Variants in NAA11 observed in about 807,000 individuals in gnomAD.
The protein encoded by NAA11 is N-alpha-acetyltransferase 11.
A neutral mutation model predicts 16.1 loss-of-function variants in NAA11; 15 were observed. The ratio of observed to expected loss-of-function variants is 0.93; its 90% CI spans 0.62 to 1.44. The LOEUF is 1.44. NAA11 is among the 40% of genes most tolerant of loss of function. The pLI is 0.00. For synonymous variants in NAA11, 122 were observed against 112.4 expected, an observed-to-expected ratio of 1.09 and a Z score of -0.54; for missense variants, 298 against 291.3, an observed-to-expected ratio of 1.02 and a Z score of -0.17.
downstream of NAA11, among the ~76,000 whole-genome samples, chr4:79,224,571 A>G (rs943928173): frequency 5.3e-5 from 8 of 152,092 alleles, no homozygotes; most frequent in African/African-American, 1.9e-4. Context: ...TCTGAGAAGT[A>G]TTTGCTGAGA....
chr4:79,226,371 G>A (rs541239843), intron 2 of NAA11: 1 of 151,950 alleles, frequency 6.6e-6, no homozygotes, highest in Admixed American at 6.6e-5. Context: ...TGCGTCCAGA[G>A]CTAGCTGTAG....
chr4:79,190,842 A>G, the NAA11 span, among the ~76,000 whole-genome samples: 1 of 151,742 alleles, frequency 6.6e-6, no homozygotes, highest in Non-Finnish European at 1.5e-5. Context: ...CCTCAAGTAG[A>G]CCTCAGTGTC....
At chr4:79,181,631 T>A in the NAA11 span, among the ~76,000 whole-genome samples, 1 of 152,208 alleles carries the variant, frequency 6.6e-6, no homozygotes, top group African/African-American at 2.4e-5. Context: ...TGGTTAACAG[T>A]CTCGTAGTTT....
chr4:79,322,625 C>A (rs1390403547), intron 1 of NAA11, among the ~76,000 whole-genome samples: 1 of 151,964 alleles, frequency 6.6e-6, no homozygotes. Flanking sequence ...AGTCCTTCTA[C>A]GAAGGAATTT....
chr4:79,255,776 T>G (rs1034839740), intron 2 of NAA11, among the ~76,000 whole-genome samples: 19 of 152,222 alleles, frequency 1.2e-4, no homozygotes, highest in Non-Finnish European at 2.5e-4. Flanking sequence ...TACAGCTCCA[T>G]GGCTGCTCCT....
chr4:79,175,789 CTCTCTTA>C, the NAA11 span, among the ~76,000 whole-genome samples: 1 of 147,610 alleles, frequency 6.8e-6, no homozygotes, highest in East Asian at 2.0e-4. Flanking sequence ...TGTTATTCTT[CTCTCTTA>C]TAAGTTTTGT....
chr4:79,316,214 T>C (rs1349077611), downstream of NAA11, among the ~76,000 whole-genome samples: 1 of 152,120 alleles, frequency 6.6e-6, no homozygotes, highest in African/African-American at 2.4e-5. Flanking sequence ...TAGAGACAGA[T>C]GTTAGAAAGC....
chr4:79,299,443 C>T (rs1179355414), intron 1 of NAA11: 1 of 152,152 alleles, frequency 6.6e-6, no homozygotes, highest in African/African-American at 2.4e-5. Context: ...ATCATTTGTC[C>T]AGCAGAAAGA....
rs189866571 is a variant in NAA11, at chr4:79,288,950, A to G, written c.*122+5055T>C. On this transcript the variant is annotated intron_variant and NMD_transcript_variant, in intron 2 of 2. Coordinates refer to the NAA11 transcript ENST00000511542. ...TTATTAAATGATTATTCTTTATGTC[A>G]TTCAATATTTTTCTACAATATTTTT... is the stretch of plus-strand genomic sequence containing the variant. 4.6e-5 allele frequency among the ~76,000 whole-genome samples: 7 copies of G among 152,306 alleles called. No individual in the cohort carries two copies. In the East Asian group the frequency reaches 1.2e-3, roughly 25 times the overall value.
intron 1 of NAA11, among the ~76,000 whole-genome samples, chr4:79,303,358 C>T (rs1390592093): frequency 1.3e-5 from 2 of 151,926 alleles, no homozygotes; most frequent in Non-Finnish European, 2.9e-5. Context: ...CTTGCTCTGT[C>T]GCTCAGGCTG....
intron 2 of NAA11, among the ~76,000 whole-genome samples, chr4:79,249,644 G>A (rs72664031): frequency 6.6e-6 from 1 of 152,170 alleles, no homozygotes; most frequent in Non-Finnish European, 1.5e-5. Context: ...AGGCCTATTG[G>A]TGTCCCTGAA....
chr4:79,242,629 T>C (rs1721723504), intron 2 of NAA11, among the ~76,000 whole-genome samples: 1 of 152,274 alleles, frequency 6.6e-6, no homozygotes, highest in South Asian at 2.1e-4. Context: ...TAAAATTCCC[T>C]GTTCAAATTA....
the NAA11 span, among the ~76,000 whole-genome samples, chr4:79,202,350 AT>A: frequency 1.3e-5 from 2 of 150,468 alleles, no homozygotes; most frequent in South Asian, 2.1e-4. Context: ...TTCTAATACC[AT>A]TTTCCTCATT....
intron 1 of NAA11, among the ~76,000 whole-genome samples, chr4:79,303,084 A>ATG (rs1402497404): frequency 1.8e-4 from 4 of 22,632 alleles, no homozygotes; most frequent in African/African-American, 5.1e-4. Flanking sequence ...TTTTATATAT[A>ATG]TATATATATA....
chr4:79,247,226 G>T (rs1441733726), intron 2 of NAA11, among the ~76,000 whole-genome samples: 4 of 152,192 alleles, frequency 2.6e-5, no homozygotes, highest in Non-Finnish European at 5.9e-5. Context: ...GGGGAGAGTG[G>T]TGTATTTATC....
the NAA11 span, among the ~76,000 whole-genome samples, chr4:79,175,019 T>G: frequency 3.3e-5 from 5 of 152,138 alleles, no homozygotes; most frequent in Admixed American, 6.6e-5. Flanking sequence ...TCCTGGCAGA[T>G]AATCCTCTGA....
rs756009612 is a variant in NAA11, at chr4:79,325,502, G to C, written c.376C>G (p.Leu126Val). The change falls in exon 1 of 2, where the codon CTC (leucine) becomes GTC (valine). Residue 126 changes from leucine to valine, a missense_variant. Physicochemically the swap from Leu to Val is conservative, Grantham distance 32. Coordinates refer to ENST00000286794, the MANE Select transcript of NAA11 (RefSeq NM_032693.3). ...RPALHLYSNT[L>V]NFQISEVEPK... is the part of the protein sequence containing the mutation. ...TCCACCTCACTAATCTGAAAGTTGA[G>C]GGTGTTAGAATAAAGGTGCAAGGCT... 3 of 1,614,106 alleles carry C rather than the reference G, an allele frequency of 1.9e-6. No homozygotes were observed. Among genetic ancestry groups the C allele is most frequent in the East Asian group, 2.2e-5 (1 of 44,882 alleles).
At chr4:79,157,615 A>G in the NAA11 span, among the ~76,000 whole-genome samples, 1 of 151,994 alleles carries the variant, frequency 6.6e-6, no homozygotes, top group Non-Finnish European at 1.5e-5. Flanking sequence ...ACATATATAT[A>G]CACATATGTA....
chr4:79,246,922 C>T (rs1203721585), intron 2 of NAA11, among the ~76,000 whole-genome samples: 1 of 152,158 alleles, frequency 6.6e-6, no homozygotes, highest in Non-Finnish European at 1.5e-5. Context: ...GAGCTAGTGG[C>T]TCTTTGGGCC....
Sources: gnomAD v4.1 joint callset for allele counts (sites outside exome capture counted in the v4.1 genomes callset) on GRCh38, gnomAD v4.1.1 for gene constraint, MANE v1.5 for transcripts, NCBI Gene and HGNC (gene_info 2026-07-23, HGNC 2026-07-21) for gene names.